Variants in BMX observed in about 807,000 individuals in gnomAD.
BMX encodes BMX non-receptor tyrosine kinase.
Under a neutral mutation model 59.2 loss-of-function variants are expected in BMX, and 31 were observed. That is an observed-to-expected ratio of 0.52 (90% CI 0.39 to 0.71). The LOEUF is 0.71. Among genes scored for constraint, BMX ranks in the 30% least tolerant of loss-of-function variants. The pLI is 0.00. For synonymous variants in BMX, 185 were observed against 181.0 expected (o/e 1.02, Z -0.18); for missense variants, 474 against 491.7 (o/e 0.96, Z 0.34).
At chrX:15,505,074 T>A (rs1434059353) in intron 1 of BMX, among the ~76,000 whole-genome samples, 1 of 112,560 alleles carries the variant, frequency 8.9e-6, no homozygotes, top group African/African-American at 3.2e-5. Flanking sequence ...GTTTATTTAT[T>A]GTCACAATAC....
chrX:15,506,758 G>A (rs760325416), intron 1 of BMX, among the ~76,000 whole-genome samples: 35 of 112,190 alleles, frequency 3.1e-4, no homozygotes, highest in African/African-American at 1.0e-3. Flanking sequence ...TGATCACTGG[G>A]CAAAGAAACC....
chrX:15,542,265 G>T (rs1023007775), intron 15 of BMX, 67 bp downstream of exon 15: 3 of 1,051,579 alleles, frequency 2.9e-6, no homozygotes, highest in Admixed American at 2.2e-5. Flanking sequence ...TGGAGATGGG[G>T]TCACTGGTAG....
chrX:15,543,151 A>G lies in BMX; in HGVS notation c.1676+16A>G, dbSNP rs996575462. ...GAATGACAAGGTAAGCCAATTCCGAAAGGGCAACCAGTGAAAGGGGGATTT... is the reference window on the plus strand; with the variant it reads ...GAATGACAAGGTAAGCCAATTCCGAGAGGGCAACCAGTGAAAGGGGGATTT... On this transcript the variant is annotated intron_variant, in intron 16 of 18. Coordinates refer to ENST00000348343, the MANE Select transcript of BMX (RefSeq NM_203281.3). 1 of 1,190,898 alleles carries G rather than the reference A, an allele frequency of 8.4e-7. No homozygotes were observed. Among genetic ancestry groups the G allele is most frequent in the African/African-American group, 1.8e-5 (1 of 56,583 alleles).
intron 3 of BMX, among the ~76,000 whole-genome samples, chrX:15,510,238 G>A (rs1923901239): frequency 9.0e-6 from 1 of 111,593 alleles, no homozygotes; most frequent in Admixed American, 9.5e-5. Context: ...TTTTCTTATA[G>A]CATAAAATCT....
At chrX:15,552,805 G>A (rs1455139531) in intron 18 of BMX, among the ~76,000 whole-genome samples, 1 of 111,877 alleles carries the variant, frequency 8.9e-6, no homozygotes, top group African/African-American at 3.3e-5. Context: ...TTGAAATAGC[G>A]GCAAAATAAG....
intron 7 of BMX, 94 bp downstream of exon 7, chrX:15,522,681 C>T: frequency 2.7e-6 from 3 of 1,110,771 alleles, no homozygotes; most frequent in Non-Finnish European, 3.6e-6. Context: ...TGATCCAGGT[C>T]TTAGGCTGTC....
chrX:15,534,355 T>C lies in BMX; in HGVS notation c.1147+16T>C. On this transcript the variant is annotated intron_variant, in intron 12 of 18. Transcript: ENST00000348343. ...AATTCAGCAGGTAACTTATTTTAGT[T>C]TTTCTTTTATGGGCCCTTGTTGTAA... 2 of 1,147,423 alleles carry C rather than the reference T, an allele frequency of 1.7e-6. No homozygotes were observed. The highest frequency in any genetic ancestry group is 3.2e-5 in the East Asian group (1 of 31,033). The allele number at this position is 1,147,423 out of a possible 1,213,427, so 94.6% of individuals were successfully genotyped here.
chrX:15,521,024 C>T (rs1239714676), intron 6 of BMX, among the ~76,000 whole-genome samples: 2 of 106,022 alleles, frequency 1.9e-5, no homozygotes, highest in Non-Finnish European at 3.8e-5. Flanking sequence ...CACACACGCA[C>T]ACACAGACAC....
At chrX:15,533,539 G>A (rs748850121) in intron 11 of BMX, among the ~76,000 whole-genome samples, 3 of 112,552 alleles carry the variant, frequency 2.7e-5, no homozygotes, top group East Asian at 5.6e-4. Flanking sequence ...TAGCTAGCAA[G>A]TGATAGAACT....
Position 15,508,803 on chromosome X carries a change from G to A in BMX, c.138+312G>A, listed in dbSNP as rs893472551. On this transcript the variant is annotated intron_variant, in intron 2 of 18. Transcript: ENST00000348343. ...ATATTTTGGGTTGTTCCAACTGGGG[G>A]ATAGGAACAGTAAGTGTTAAAGACA... 4.5e-5 allele frequency among the ~76,000 whole-genome samples: 5 copies of A among 112,100 alleles called. No individual in the cohort carries two copies. In the East Asian group the frequency reaches 1.4e-3, roughly 32 times the overall value.
chrX:15,533,190 A>AT (rs1347421658), intron 11 of BMX, among the ~76,000 whole-genome samples: 3 of 112,007 alleles, frequency 2.7e-5, no homozygotes, highest in African/African-American at 9.7e-5. Flanking sequence ...CAATTTTTTA[A>AT]TTTTTTAGCT....
intron 11 of BMX, 86 bp from the exon 12 acceptor site, chrX:15,534,126 A>G (rs1925217019): frequency 1.1e-6 from 1 of 928,606 alleles, no homozygotes; most frequent in Non-Finnish European, 1.4e-6. Context: ...CAAAATTTGC[A>G]AATGCACCTA....
intron 6 of BMX, among the ~76,000 whole-genome samples, chrX:15,522,002 C>A (rs959030963): frequency 2.7e-5 from 3 of 111,405 alleles, no homozygotes; most frequent in African/African-American, 9.8e-5. Context: ...CATTCTTTTA[C>A]AGGTCTTTTG....
At chrX:15,522,244 T>A in intron 6 of BMX, 102 bp from the exon 7 acceptor site, 1 of 906,579 alleles carries the variant, frequency 1.1e-6, no homozygotes, top group Non-Finnish European at 1.5e-6. Context: ...CCTTCTCTCC[T>A]TCCTTTCTCT....
At chrX:15,516,059 C>T (rs1159058361) in intron 4 of BMX, 53 bp from the exon 5 acceptor site, 1 of 1,190,641 alleles carries the variant, frequency 8.4e-7, no homozygotes, top group Non-Finnish European at 1.1e-6. Flanking sequence ...GAATGTTTCT[C>T]CTCTTGGATC....
intron 8 of BMX, among the ~76,000 whole-genome samples, 194 bp from the exon 9 acceptor site, chrX:15,525,848 A>G (rs1924691544): frequency 8.9e-6 from 1 of 112,320 alleles, no homozygotes; most frequent in Admixed American, 9.4e-5. Context: ...AACTTGGCAT[A>G]AGCCCAACTT....
intron 8 of BMX, among the ~76,000 whole-genome samples, chrX:15,525,603 G>T (rs1350438263): frequency 9.0e-6 from 1 of 111,647 alleles, no homozygotes; most frequent in Non-Finnish European, 1.9e-5. Flanking sequence ...ACCAACATTA[G>T]TATACCTGAC....
At chrX:15,548,726 T>C in intron 17 of BMX, among the ~76,000 whole-genome samples, 1 of 111,960 alleles carries the variant, frequency 8.9e-6, no homozygotes, top group Admixed American at 9.4e-5. Context: ...CCCACAGATA[T>C]TTTGAAATAA....
intron 5 of BMX, among the ~76,000 whole-genome samples, chrX:15,517,329 A>T (rs1234757439): frequency 8.9e-6 from 1 of 111,978 alleles, no homozygotes; most frequent in Admixed American, 9.5e-5. Context: ...ATGTCTCCTT[A>T]TGGTATTAAT....
Sources: allele counts gnomAD v4.1 joint callset (sites outside exome capture counted in the v4.1 genomes callset), GRCh38; gene constraint gnomAD v4.1.1; transcripts MANE v1.5; gene names NCBI Gene and HGNC (gene_info 2026-07-23, HGNC 2026-07-21).